The following PALM2AKAP2 variants were observed in gnomAD, a reference collection of about 807,000 sequenced individuals.
The protein encoded by PALM2AKAP2 is PALM2 and AKAP2 fusion.
A neutral mutation model predicts 71.5 loss-of-function variants in PALM2AKAP2; 37 were observed. That is an observed-to-expected ratio of 0.52 (90% CI 0.40 to 0.68). PALM2AKAP2 has a LOEUF of 0.68. Ranked by LOEUF, PALM2AKAP2 falls within the 30% of genes least tolerant of loss-of-function variation. The pLI is 0.00. For missense variants in PALM2AKAP2, 1,224 were observed against 1,191.8 expected, an observed-to-expected ratio of 1.03 and a Z score of -0.40; for synonymous variants, 468 against 478.8, an observed-to-expected ratio of 0.98 and a Z score of 0.29.
chr9:109,796,580 G>A (rs10759362), intron 1 of PALM2AKAP2, among the ~76,000 whole-genome samples: 27,228 of 152,174 alleles, frequency 0.18, 2,840 homozygotes, highest in East Asian at 0.34. Flanking sequence ...TGGGTAATTT[G>A]TAAAGGGAAG....
rs547662540 is a variant in PALM2AKAP2 at position 109,786,678 on chromosome 9, G to A, written c.45+6145G>A. 6.6e-5 allele frequency among the ~76,000 whole-genome samples: 10 copies of A among 152,206 alleles called. No individual in the cohort carries two copies. In the East Asian group the frequency reaches 1.7e-3, roughly 26 times the overall value. ...CAGGCCTTACCCAGCATGCATAAGG[G>A]TCACACACCTCCCTGCTACTTATTT... is the stretch of plus-strand genomic sequence containing the variant. On this transcript the variant is annotated intron_variant, in intron 1 of 9. Transcript: ENST00000302798.
intron 7 of PALM2AKAP2, among the ~76,000 whole-genome samples, chr9:110,022,129 T>A (rs1366183865): frequency 6.6e-6 from 1 of 152,198 alleles, no homozygotes; most frequent in African/African-American, 2.4e-5. Context: ...TTCTTACTCT[T>A]AACTTCAGTT....
chr9:109,667,699 G>A (rs1459222257), intron 1 of PALM2AKAP2, among the ~76,000 whole-genome samples: 1 of 152,062 alleles, frequency 6.6e-6, no homozygotes, highest in East Asian at 1.9e-4. Flanking sequence ...AGGCTGAGGT[G>A]AGAGAATCAC....
At chr9:109,959,373 T>A (rs1831809398) in intron 6 of PALM2AKAP2, among the ~76,000 whole-genome samples, 1 of 151,796 alleles carries the variant, frequency 6.6e-6, no homozygotes, top group East Asian at 1.9e-4. Flanking sequence ...AGGCCAGGGG[T>A]GGTGGCTCAA....
In PALM2AKAP2 at chr9:109,732,423, G is replaced by A. The variant is rs968350284; in HGVS notation, c.6-48065G>A. ...GATGATTAATGAGGTATCTTTGGGG[G>A]AAAATAGCTTTTATTTATAATTGAT... On this transcript the variant is annotated intron_variant, in intron 1 of 6. Transcript: ENST00000374531. 2.0e-5 allele frequency among the ~76,000 whole-genome samples: 3 copies of A among 152,206 alleles called. No homozygotes were observed. The South Asian group carries it at 6.2e-4, about 32-fold the overall frequency.
chr9:109,917,402 G>A (rs537483935), intron 3 of PALM2AKAP2, among the ~76,000 whole-genome samples: 4 of 151,906 alleles, frequency 2.6e-5, no homozygotes, highest in South Asian at 2.1e-4. Flanking sequence ...AATTGGAAAC[G>A]AATGCGTCTC....
At chr9:109,792,568 G>A (rs1289577669) in intron 1 of PALM2AKAP2, among the ~76,000 whole-genome samples, 2 of 151,970 alleles carry the variant, frequency 1.3e-5, no homozygotes, top group South Asian at 2.1e-4. Flanking sequence ...AACTCTAACT[G>A]GAATCTAAGT....
chr9:109,906,433 A>G (rs929798676), intron 3 of PALM2AKAP2, among the ~76,000 whole-genome samples: 1 of 152,178 alleles, frequency 6.6e-6, no homozygotes, highest in East Asian at 1.9e-4. Context: ...TCCTGACTTC[A>G]AGCGATCCAC....
At chr9:110,091,519 G>A (rs1327027528) in intron 1 of PALM2AKAP2, among the ~76,000 whole-genome samples, 2 of 141,570 alleles carry the variant, frequency 1.4e-5, no homozygotes, top group Non-Finnish European at 3.0e-5. Context: ...CTGGGGTGCA[G>A]TAGCACGATC....
intron 1 of PALM2AKAP2, chr9:110,125,398 G>A (rs553810124): frequency 1.0e-5 from 7 of 697,888 alleles, no homozygotes; most frequent in African/African-American, 7.8e-5. Flanking sequence ...GAGGGGCCAG[G>A]CCTCTCCGAA....
intron 1 of PALM2AKAP2, among the ~76,000 whole-genome samples, chr9:109,808,735 A>C (rs777666978): frequency 6.6e-6 from 1 of 152,254 alleles, no homozygotes; most frequent in Non-Finnish European, 1.5e-5. Context: ...GGCATGTCAG[A>C]GGTCTTCATG....
intron 1 of PALM2AKAP2, among the ~76,000 whole-genome samples, chr9:110,065,693 C>A (rs1834063784): frequency 6.6e-6 from 1 of 152,186 alleles, no homozygotes; most frequent in Non-Finnish European, 1.5e-5. Context: ...ATGCATTAAG[C>A]AATAACTATC....
chr9:109,792,121 G>A (rs1414026042), intron 1 of PALM2AKAP2, among the ~76,000 whole-genome samples: 44 of 152,144 alleles, frequency 2.9e-4, no homozygotes, highest in Non-Finnish European at 1.5e-5. Context: ...GGGCACCTTG[G>A]TGGGATCCAT....
Position 109,792,133 on chromosome 9 carries a change from C to A in PALM2AKAP2, c.45+11600C>A, listed in dbSNP as rs375098679. 3.9e-5 allele frequency among the ~76,000 whole-genome samples: 6 copies of A among 152,212 alleles called. No individual in the cohort carries two copies. The East Asian group carries it at 7.7e-4, about 20-fold the overall frequency. On this transcript the variant is annotated intron_variant, in intron 1 of 9. Coordinates refer to the PALM2AKAP2 transcript ENST00000302798. Reference sequence around the variant, plus strand: ...GTTGGGCACCTTGGTGGGATCCATACCCTATAAGAAAACCATAGTCTTGGG... The same window carrying A: ...GTTGGGCACCTTGGTGGGATCCATAACCTATAAGAAAACCATAGTCTTGGG...
rs555551483 is a variant in PALM2AKAP2 at position 109,742,801 on chromosome 9, T to C, written c.6-37687T>C. 6.6e-5 allele frequency among the ~76,000 whole-genome samples: 10 copies of C among 152,254 alleles called. No individual in the cohort carries two copies. In the East Asian group the frequency reaches 1.7e-3, roughly 26 times the overall value. On this transcript the variant is annotated intron_variant, in intron 1 of 6. Coordinates refer to the PALM2AKAP2 transcript ENST00000374531. Reference sequence around the variant, plus strand: ...AAAGCATATGTGGACAACACAGAAATGGCATCTGGAAAGCAGCCGTGTTGC... The same window carrying C: ...AAAGCATATGTGGACAACACAGAAACGGCATCTGGAAAGCAGCCGTGTTGC...
intron 2 of PALM2AKAP2, 36 bp downstream of exon 8, chr9:110,138,575 C>T: frequency 6.5e-7 from 1 of 1,532,402 alleles, no homozygotes. Flanking sequence ...ACAGATGCCA[C>T]AGCAGTCTGT....
At chr9:110,001,676 C>G (rs536393395) in intron 6 of PALM2AKAP2, among the ~76,000 whole-genome samples, 3 of 152,048 alleles carry the variant, frequency 2.0e-5, no homozygotes, top group African/African-American at 7.2e-5. Flanking sequence ...TGTTTGTATC[C>G]TCTTTGATTT....
At chr9:109,834,077 G>C (rs1204585047) in intron 1 of PALM2AKAP2, among the ~76,000 whole-genome samples, 1 of 152,200 alleles carries the variant, frequency 6.6e-6, no homozygotes, top group Non-Finnish European at 1.5e-5. Flanking sequence ...GCAGGACATA[G>C]TGGCATGCAC....
At chr9:109,873,137 C>T (rs989449806) in intron 2 of PALM2AKAP2, among the ~76,000 whole-genome samples, 1 of 152,172 alleles carries the variant, frequency 6.6e-6, no homozygotes, top group Non-Finnish European at 1.5e-5. Flanking sequence ...CAGCTATTGC[C>T]TCATGCTGAG....
Sources: allele counts gnomAD v4.1 joint callset (sites outside exome capture counted in the v4.1 genomes callset), GRCh38; gene constraint gnomAD v4.1.1; transcripts MANE v1.5; gene names NCBI Gene and HGNC (gene_info 2026-07-23, HGNC 2026-07-21).